The following OSBPL9 variants were observed in gnomAD, a reference collection of about 807,000 sequenced individuals.
OSBPL9 encodes oxysterol binding protein like 9.
OSBPL9 carries 40 observed loss-of-function variants against 106.6 expected under a neutral mutation model. The observed-to-expected ratio is 0.38, with a 90% CI of 0.29 to 0.49. The LOEUF is 0.49. Ranked by LOEUF, OSBPL9 falls within the 20% of genes least tolerant of loss-of-function variation. The pLI is 0.97. For missense variants in OSBPL9, 609 were observed against 887.2 expected (o/e 0.69, Z 3.98); for synonymous variants, 269 against 295.4 (o/e 0.91, Z 0.92).
the OSBPL9 span, among the ~76,000 whole-genome samples, chr1:51,550,469 C>A: frequency 6.6e-6 from 1 of 152,220 alleles, no homozygotes; most frequent in East Asian, 1.9e-4. Context: ...GTATAACCAT[C>A]AGCACTGCTC....
At chr1:51,685,108 C>T (rs77712478) in intron 3 of OSBPL9, among the ~76,000 whole-genome samples, 2 of 152,044 alleles carry the variant, frequency 1.3e-5, no homozygotes, top group Non-Finnish European at 2.9e-5. Context: ...TTCATACATT[C>T]ATTTTTTTCT....
At chr1:51,731,604 C>G (rs530603951) in intron 4 of OSBPL9, among the ~76,000 whole-genome samples, 1 of 152,052 alleles carries the variant, frequency 6.6e-6, no homozygotes, top group East Asian at 1.9e-4. Flanking sequence ...TGGTGAAACC[C>G]CGTCTCTACT....
At chr1:51,566,398 C>T in the OSBPL9 span, 1 of 152,102 alleles carries the variant, frequency 6.6e-6, no homozygotes, top group Non-Finnish European at 1.5e-5. Flanking sequence ...GGTTTCTGGG[C>T]GTAGGGTCTT....
upstream of OSBPL9, among the ~76,000 whole-genome samples, chr1:51,613,963 T>C (rs1403152116): frequency 6.6e-6 from 1 of 152,126 alleles, no homozygotes; most frequent in Admixed American, 6.6e-5. Flanking sequence ...GGCTGTTCTT[T>C]GTTGCTCAGG....
At chr1:51,568,409 C>A in the OSBPL9 span, among the ~76,000 whole-genome samples, 3 of 152,178 alleles carry the variant, frequency 2.0e-5, no homozygotes, top group Admixed American at 6.5e-5. Context: ...GTATTCAAAC[C>A]CAAGGCTACC....
At chr1:51,624,570 G>A (rs372814404) in intron 1 of OSBPL9, among the ~76,000 whole-genome samples, 1 of 151,996 alleles carries the variant, frequency 6.6e-6, no homozygotes, top group African/African-American at 2.4e-5. Flanking sequence ...GGGTGACAGA[G>A]TGAGACTCTG....
intron 3 of OSBPL9, among the ~76,000 whole-genome samples, chr1:51,684,405 GTATGT>G (rs1557685925): frequency 1.3e-5 from 2 of 152,258 alleles, no homozygotes; most frequent in Non-Finnish European, 1.5e-5. Flanking sequence ...GAAAAAATAA[GTATGT>G]GAGGTAATAT....
At chr1:51,604,917 G>T (rs1298809708) in intron 2 of OSBPL9, among the ~76,000 whole-genome samples, 1 of 152,140 alleles carries the variant, frequency 6.6e-6, no homozygotes, top group Non-Finnish European at 1.5e-5. Flanking sequence ...CTCCCAAAGT[G>T]CTGGGATTAC....
chr1:51,623,909 G>T (rs1419148727), intron 1 of OSBPL9, among the ~76,000 whole-genome samples: 1 of 151,670 alleles, frequency 6.6e-6, no homozygotes, highest in African/African-American at 2.4e-5. Context: ...GATTTTTATT[G>T]AGCTTATATA....
Position 51,768,094 on chromosome 1 carries a change from A to G in OSBPL9, c.938+2113A>G, listed in dbSNP as rs977153455. 5.3e-5 allele frequency among the ~76,000 whole-genome samples: 8 copies of G among 151,552 alleles called. 1 individual carries two copies. Among genetic ancestry groups the G allele is most frequent in the Admixed American group, 1.3e-4 (2 of 15,224 alleles). On this transcript the variant is annotated intron_variant, in intron 12 of 23. Transcript: ENST00000428468. ...GTAGCTGGGACTACAGGCGCCCGCC[A>G]CCACGCCTGGCTAGTTTTTTGTATT... is the stretch of plus-strand genomic sequence containing the variant.
At chr1:51,592,337 G>T (rs944577079) in intron 1 of OSBPL9, among the ~76,000 whole-genome samples, 1 of 151,980 alleles carries the variant, frequency 6.6e-6, no homozygotes, top group Non-Finnish European at 1.5e-5. Context: ...GGATGGTCTC[G>T]ATCTCCGGAC....
At chr1:51,648,463 C>T (rs1330571899) in intron 1 of OSBPL9, among the ~76,000 whole-genome samples, 1 of 152,180 alleles carries the variant, frequency 6.6e-6, no homozygotes, top group Non-Finnish European at 1.5e-5. Context: ...GAAAAACTTC[C>T]TGGGAGATGA....
At chr1:51,708,787 C>G (rs532915401) in intron 3 of OSBPL9, among the ~76,000 whole-genome samples, 2 of 152,036 alleles carry the variant, frequency 1.3e-5, no homozygotes, top group South Asian at 4.2e-4. Flanking sequence ...ACTTAAAAAG[C>G]TTTTCTTTTA....
chr1:51,697,433 C>T (rs1213926511), intron 3 of OSBPL9, among the ~76,000 whole-genome samples: 1 of 146,774 alleles, frequency 6.8e-6, no homozygotes, highest in African/African-American at 2.5e-5. Context: ...AAAAGGAGGC[C>T]TTCCTGATTA....
intron 4 of OSBPL9, among the ~76,000 whole-genome samples, chr1:51,738,255 A>T (rs1369858636): frequency 6.6e-6 from 1 of 152,054 alleles, no homozygotes; most frequent in African/African-American, 2.4e-5. Flanking sequence ...TGAGGGTATC[A>T]TGAAGAGTAA....
intron 2 of OSBPL9, among the ~76,000 whole-genome samples, chr1:51,661,207 G>A (rs1028590250): frequency 2.0e-5 from 3 of 152,138 alleles, no homozygotes; most frequent in African/African-American, 7.2e-5. Flanking sequence ...CCTTTTAGGA[G>A]CCTGTGAGCA....
In OSBPL9 at chr1:51,714,037, T is replaced by A; in HGVS notation, c.276T>A (p.His92Gln). ...CTGATGAGCGAGAGAAGTGGATCCA[T>A]GCCTTAGAAGAAACAATTCTTCGAC... Reference protein sequence around the residue: ...RDADEREKWIHALEETILRHT... With the variant: ...RDADEREKWIQALEETILRHT... The change falls in exon 4 of 24, where the codon CAT becomes CAA. Residue 92 changes from histidine to glutamine, a missense_variant. Physicochemically the swap from His to Gln is conservative, Grantham distance 24 (BLOSUM62 0). This residue lies in a region of OSBPL9 where 72 missense variants were observed against 140.5 expected (regional missense o/e 0.51). Transcript: ENST00000428468. The A allele has an allele frequency of 6.2e-7, 1 of 1,610,470 alleles. No individual in the cohort carries two copies. The highest frequency in any genetic ancestry group is 1.1e-5 in the South Asian group (1 of 90,358).
At chr1:51,613,082 A>G (rs1644000394), upstream of OSBPL9, among the ~76,000 whole-genome samples, 2 of 152,228 alleles carry the variant, frequency 1.3e-5, no homozygotes, top group Non-Finnish European at 2.9e-5. Context: ...GTTTCAATGG[A>G]ACAGATAATT....
intron 3 of OSBPL9, among the ~76,000 whole-genome samples, chr1:51,701,720 A>G (rs551838020): frequency 6.6e-6 from 1 of 151,982 alleles, no homozygotes; most frequent in Admixed American, 6.6e-5. Flanking sequence ...ATATGTATAC[A>G]TGTGCCATGT....
Sources: gnomAD v4.1 joint callset for allele counts (sites outside exome capture counted in the v4.1 genomes callset) on GRCh38, gnomAD v4.1.1 for gene constraint, gnomAD v4.1.1 regional missense constraint, MANE v1.5 for transcripts, NCBI Gene and HGNC (gene_info 2026-07-23, HGNC 2026-07-21) for gene names.